Variants in ARHGAP35 observed in about 807,000 individuals in gnomAD.
The protein encoded by ARHGAP35 is rho GTPase-activating protein 35.
In ARHGAP35, 15 loss-of-function variants were observed where a neutral mutation model predicts 111.1. The observed-to-expected ratio is 0.13, with a 90% CI of 0.09 to 0.21. The LOEUF (loss-of-function observed/expected upper bound fraction) is 0.21, where lower values mean the gene tolerates loss of function less well. Among genes scored for constraint, ARHGAP35 ranks in the 10% least tolerant of loss-of-function variants. The pLI is 1.00. For synonymous variants in ARHGAP35, 643 were observed against 710.3 expected, an observed-to-expected ratio of 0.91 and a Z score of 1.51; for missense variants, 1,262 against 1,873.0, an observed-to-expected ratio of 0.67 and a Z score of 6.02.
intron 3 of ARHGAP35, among the ~76,000 whole-genome samples, chr19:46,962,856 C>A (rs771453220): frequency 2.6e-5 from 4 of 152,142 alleles, no homozygotes; most frequent in Admixed American, 1.3e-4. Flanking sequence ...TCAGGTGATC[C>A]GCCCGCACTT....
intron 1 of ARHGAP35, among the ~76,000 whole-genome samples, chr19:46,874,952 C>T (rs911948697): frequency 4.0e-5 from 6 of 151,368 alleles, no homozygotes; most frequent in Middle Eastern, 3.4e-3. Flanking sequence ...GCTGGGATTA[C>T]AGGCGCCCAC....
At chr19:46,864,546 A>G (rs2055845418) in intron 1 of ARHGAP35, among the ~76,000 whole-genome samples, 1 of 152,226 alleles carries the variant, frequency 6.6e-6, no homozygotes, top group South Asian at 2.1e-4. Context: ...CTGTGTGGAC[A>G]CATTTGAAAT....
In ARHGAP35 at chr19:46,989,623, G is replaced by C; in HGVS notation, c.3984G>C (p.Leu1328=). Residue 1328 remains leucine, a synonymous_variant, in exon 5 of 7, where the codon CTG becomes CTC. Coordinates refer to ENST00000672722, the MANE Select transcript of ARHGAP35 (RefSeq NM_004491.5). This position sits in a 1 kb window ranked among gnomAD's most constrained non-coding sequence, Gnocchi z 5.3. ...AGAMKSFFSE[L]PDPLVPYNMQ... is the part of the protein sequence containing the mutation. ...CCATGAAGAGCTTTTTCTCAGAACT[G>C]CCTGACCCCCTGGTCCCGTATAACA... is the stretch of plus-strand genomic sequence containing the variant. The C allele has an allele frequency of 1.9e-6, 3 of 1,614,006 alleles. No homozygotes were observed. Among genetic ancestry groups the C allele is most frequent in the Non-Finnish European group, 2.5e-6 (3 of 1,179,892 alleles).
At chr19:46,932,761 G>A (rs1045256669) in intron 2 of ARHGAP35, among the ~76,000 whole-genome samples, 2 of 152,278 alleles carry the variant, frequency 1.3e-5, no homozygotes, top group Admixed American at 6.5e-5. Context: ...TTAAAAAATA[G>A]GGAGTGAGAT....
chr19:46,861,343 GC>G (rs1025046699), intron 1 of ARHGAP35, among the ~76,000 whole-genome samples, 134 bp downstream of exon 1: 2,123 of 138,422 alleles, frequency 0.015, 28 homozygotes, highest in South Asian at 0.029. Context: ...GGGAGGAGCG[GC>G]CCCCCCCCCA....
intron 1 of ARHGAP35, among the ~76,000 whole-genome samples, chr19:46,879,773 G>C (rs539459993): frequency 2.8e-5 from 4 of 143,922 alleles, no homozygotes; most frequent in Non-Finnish European, 4.5e-5. Context: ...GGCAGAACTA[G>C]ACTCTTGTCT....
chr19:46,924,947 C>A (rs149533489), intron 2 of ARHGAP35, among the ~76,000 whole-genome samples: 10 of 152,328 alleles, frequency 6.6e-5, no homozygotes, highest in Non-Finnish European at 1.3e-4. Context: ...GTAGTGGAGG[C>A]TCAGCAGAAA....
chr19:46,933,392 C>T (rs555467289), intron 2 of ARHGAP35, among the ~76,000 whole-genome samples: 1 of 152,148 alleles, frequency 6.6e-6, no homozygotes, highest in South Asian at 2.1e-4. Context: ...AAGTGATCTG[C>T]CAACCTCAGC....
Position 47,001,406 on chromosome 19 carries a change from T to G in ARHGAP35, c.*718T>G. The G allele has an allele frequency of 7.8e-7, 1 of 1,284,940 alleles. No homozygotes were observed. Among genetic ancestry groups the G allele is most frequent in the Non-Finnish European group, 1.0e-6 (1 of 984,798 alleles). 79.6% of individuals were successfully genotyped at this position (1,284,940 alleles called of 1,614,324 possible). A position where few individuals can be genotyped will look rare whatever the true frequency, so the allele number is the denominator to read the frequency against. ...AAAATGGAAAAACCCTTCCAGTAATTAAAAAGGAAGAAACCACAGAAAGAA... is the reference window on the plus strand; with the variant it reads ...AAAATGGAAAAACCCTTCCAGTAATGAAAAAGGAAGAAACCACAGAAAGAA... On this transcript the variant is annotated 3_prime_UTR_variant, in exon 7 of 7. Transcript: ENST00000672722. The surrounding 1 kb of genome is among the most constrained non-coding windows in gnomAD (Gnocchi z 5.4).
chr19:46,969,788 A>G (rs2056534598), intron 3 of ARHGAP35, among the ~76,000 whole-genome samples: 1 of 152,136 alleles, frequency 6.6e-6, no homozygotes, highest in Admixed American at 6.5e-5. Context: ...GTCTGCTACA[A>G]GTGTTACTGG....
rs1220869132 is a variant in ARHGAP35 at position 46,918,654 on chromosome 19, A to T, written c.-22A>T. The T allele has an allele frequency of 1.2e-6, 2 of 1,600,848 alleles. No homozygotes were observed. Among genetic ancestry groups the T allele is most frequent in the African/African-American group, 2.7e-5 (2 of 74,780 alleles). ...ACTAATCTGATCTCAGAAGTGGCTG[A>T]TCGTGGCAGGATGTGTCGACGATGA... On this transcript the variant is annotated 5_prime_UTR_variant, in exon 2 of 7. Transcript: ENST00000672722. The surrounding 1 kb of genome is among the most constrained non-coding windows in gnomAD (Gnocchi z 5.4).
intron 1 of ARHGAP35, among the ~76,000 whole-genome samples, chr19:46,917,380 G>A (rs1223187971): frequency 6.6e-6 from 1 of 152,224 alleles, no homozygotes; most frequent in Non-Finnish European, 1.5e-5. Context: ...GGCCAAGGCA[G>A]GCAGATCGCC....
Position 46,869,943 on chromosome 19 carries a change from CTTTTTTTTTTTTT to C in ARHGAP35, c.-189+8743_-189+8755del, listed in dbSNP as rs746775975. ...TTTAATGTCCTGAAATCACTGTGTA[CTTTTTTTTTTTTT>C]TTTTTTTTGAAACAGAGTCTTGCTT... On this transcript the variant is annotated intron_variant, in intron 1 of 6. Transcript: ENST00000672722. Among the ~76,000 whole-genome samples, 5 of 111,130 alleles carry C rather than the reference CTTTTTTTTTTTTT, an allele frequency of 4.5e-5. 1 individual carries two copies. The highest frequency in any genetic ancestry group is 1.8e-4 in the African/African-American group (5 of 27,652). 72.9% of individuals were successfully genotyped at this position (111,130 alleles called of 152,430 possible). A position where few individuals can be genotyped will look rare whatever the true frequency, so the allele number is the denominator to read the frequency against.
rs1347999793 is a variant in ARHGAP35, at chr19:47,002,300, G to A, written c.*1612G>A. Reference sequence around the variant, plus strand: ...TGCCCTGCCCGTGCCCGCCTGCAGTGGTTGGAGACGGGAGTGGCCCTTCGG... The same window carrying A: ...TGCCCTGCCCGTGCCCGCCTGCAGTAGTTGGAGACGGGAGTGGCCCTTCGG... On this transcript the variant is annotated 3_prime_UTR_variant, in exon 7 of 7. Transcript: ENST00000672722. The A allele has an allele frequency of 1.3e-5, 2 of 152,782 alleles. No homozygotes were observed. The highest frequency in any genetic ancestry group is 1.5e-5 in the Non-Finnish European group (1 of 68,114). The allele number at this position is 152,782 out of a possible 1,614,324, so 9.5% of individuals were successfully genotyped here. A position where few individuals can be genotyped will look rare whatever the true frequency, so the allele number is the denominator to read the frequency against.
intron 1 of ARHGAP35, among the ~76,000 whole-genome samples, chr19:46,887,428 G>A (rs988362877): frequency 6.6e-6 from 1 of 152,216 alleles, no homozygotes; most frequent in Non-Finnish European, 1.5e-5. Flanking sequence ...CCATGGTTAT[G>A]TGAACATTAG....
intron 3 of ARHGAP35, among the ~76,000 whole-genome samples, chr19:46,954,820 A>G (rs952796074): frequency 2.0e-5 from 3 of 152,252 alleles, no homozygotes; most frequent in South Asian, 4.1e-4. Context: ...TGAAACTACA[A>G]TCAGTGTTTC....
intron 2 of ARHGAP35, among the ~76,000 whole-genome samples, chr19:46,923,458 T>G (rs1261020071): frequency 6.6e-6 from 1 of 152,126 alleles, no homozygotes; most frequent in Non-Finnish European, 1.5e-5. Context: ...GTTTGTAGTC[T>G]GCAGGGCAGA....
chr19:46,907,503 T>G (rs896097849), intron 1 of ARHGAP35, among the ~76,000 whole-genome samples: 3 of 143,660 alleles, frequency 2.1e-5, no homozygotes, highest in Non-Finnish European at 3.1e-5. Flanking sequence ...TGTTTGTTTG[T>G]TTTTTGAGAC....
intron 3 of ARHGAP35, among the ~76,000 whole-genome samples, chr19:46,971,395 G>C (rs1568483462): frequency 6.6e-6 from 1 of 151,656 alleles, no homozygotes; most frequent in Non-Finnish European, 1.5e-5. Flanking sequence ...GACAGAGCCA[G>C]ACTCCATCTC....
Sources: gnomAD v4.1 joint callset for allele counts (sites outside exome capture counted in the v4.1 genomes callset) on GRCh38, gnomAD v4.1.1 for gene constraint, Gnocchi (gnomAD v3.1) non-coding constraint, MANE v1.5 for transcripts, NCBI Gene and HGNC (gene_info 2026-07-23, HGNC 2026-07-21) for gene names.